CCT7: variants seen among roughly 807,000 people sequenced by gnomAD.
CCT7 encodes chaperonin containing TCP1 subunit 7.
CCT7 carries 16 observed loss-of-function variants against 56.6 expected under a neutral mutation model. The observed-to-expected ratio is 0.28, with a 90% CI of 0.19 to 0.43. The LOEUF (loss-of-function observed/expected upper bound fraction) is 0.43. Ranked by LOEUF, CCT7 falls within the 20% of genes least tolerant of loss-of-function variation. The pLI is 1.00. For missense variants in CCT7, 519 were observed against 685.6 expected (o/e 0.76, Z 2.71); for synonymous variants, 262 against 254.8 (o/e 1.03, Z -0.27).
chr2:73,252,554 C>G lies in CCT7; in HGVS notation c.1411-86C>G, dbSNP rs1687640867. The G allele has an allele frequency of 6.8e-5, 70 of 1,028,432 alleles. 1 individual carries two copies. In the South Asian group the frequency reaches 9.9e-4, roughly 15 times the overall value. 63.7% of individuals were successfully genotyped at this position (1,028,432 alleles called of 1,614,324 possible). On this transcript the variant is annotated intron_variant, in intron 11 of 11. Coordinates refer to ENST00000258091, the MANE Select transcript of CCT7 (RefSeq NM_006429.4). ...CCAAGTTCAGAGAGTCTGCGGGTTCCTAGCAGTGTCTTTTGGAGTACCAGT... is the reference window on the plus strand; with the variant it reads ...CCAAGTTCAGAGAGTCTGCGGGTTCGTAGCAGTGTCTTTTGGAGTACCAGT...
rs1221939404 is a variant in CCT7, at chr2:73,239,650, C to T, written c.14C>T (p.Pro5Leu). ...AATTTCTTTCTTTTCTAGCCCACAC[C>T]AGTTATCCTATTGAAAGAGGGGACT... MMPT[P>L]VILLKEGTDS... The change falls in exon 2 of 12, where the codon CCA (proline) becomes CTA (leucine). Residue 5 changes from proline to leucine, a missense_variant. By Grantham distance (98) the Pro-to-Leu change is moderately conservative (BLOSUM62 -3). Transcript: ENST00000258091. 1 of 1,613,714 alleles carries T rather than the reference C, an allele frequency of 6.2e-7. No individual in the cohort carries two copies. Among genetic ancestry groups the T allele is most frequent in the Admixed American group, 1.7e-5 (1 of 59,998 alleles).
chr2:73,240,813 TTG>T (rs1449962649), intron 3 of CCT7, among the ~76,000 whole-genome samples: 1 of 152,188 alleles, frequency 6.6e-6, no homozygotes, highest in African/African-American at 2.4e-5. Flanking sequence ...GTGCTGTCAT[TTG>T]TGTGAGTTGC....
At chr2:73,239,873 GGT>G (rs1687033894) in intron 2 of CCT7, 77 bp downstream of exon 2, 1 of 1,287,358 alleles carries the variant, frequency 7.8e-7, no homozygotes, top group African/African-American at 1.5e-5. Flanking sequence ...AGCATAGGTT[GGT>G]ATCAGAAATC....
In CCT7 at chr2:73,249,107, C is replaced by T; in HGVS notation, c.900C>T (p.Thr300=). The T allele has an allele frequency of 1.9e-6, 3 of 1,614,164 alleles. No individual in the cohort carries two copies. The highest frequency in any genetic ancestry group is 2.5e-6 in the Non-Finnish European group (3 of 1,180,024). ...AACTCCCCATTGGGGATGTGGCCAC[C>T]CAGTACTTTGCTGACAGGGACATGT... is the stretch of plus-strand genomic sequence containing the variant. The part of the protein sequence containing the change: ...LSKLPIGDVA[T]QYFADRDMFC... The change falls in exon 8 of 12, where the codon ACC becomes ACT. Residue 300 remains threonine (T), a synonymous_variant. Coordinates refer to ENST00000258091, the MANE Select transcript of CCT7 (RefSeq NM_006429.4).
chr2:73,239,924 A>G, intron 2 of CCT7, 128 bp downstream of exon 2: 1 of 793,922 alleles, frequency 1.3e-6, no homozygotes, highest in Non-Finnish European at 2.0e-6. Flanking sequence ...ACTCACTCTG[A>G]AGCAGTTCCA....
chr2:73,252,002 C>T (rs1261035979), intron 11 of CCT7, among the ~76,000 whole-genome samples: 3 of 150,774 alleles, frequency 2.0e-5, no homozygotes, highest in Non-Finnish European at 4.4e-5. Context: ...CATCCACCTT[C>T]CTGGAAGCAC....
At chr2:73,244,158 C>G in intron 5 of CCT7, 109 bp downstream of exon 5, 1 of 1,106,104 alleles carries the variant, frequency 9.0e-7, no homozygotes, top group Non-Finnish European at 1.3e-6. Flanking sequence ...CCTGCGACTC[C>G]CAAAGTGCTG....
At chr2:73,252,573 T>A in intron 11 of CCT7, 67 bp from the exon 12 acceptor site, 1 of 1,251,570 alleles carries the variant, frequency 8.0e-7, no homozygotes, top group Non-Finnish European at 1.2e-6. Flanking sequence ...TCTTTTGGAG[T>A]ACCAGTTTAC....
chr2:73,240,384 T>G (rs1312715158), intron 2 of CCT7, 53 bp from the exon 3 acceptor site: 2 of 1,401,210 alleles, frequency 1.4e-6, no homozygotes, highest in African/African-American at 1.4e-5. Flanking sequence ...TAGGTCCCAC[T>G]TGAAGACAGC....
rs375101158 is a variant in CCT7 at position 73,243,037 on chromosome 2, G to A, written c.301G>A (p.Ala101Thr). 15 of 1,613,850 alleles carry A rather than the reference G, an allele frequency of 9.3e-6. No homozygotes were observed. In the African/African-American group the frequency reaches 1.5e-4, roughly 16 times the overall value. The stretch of plus-strand genomic sequence containing the variant: ...TGGCACCACCTCAGTGACCTTGCTG[G>A]CTGCAGAGTTTCTGAAGCAGGTGAA... The part of the protein sequence containing the change: ...GDGTTSVTLL[A>T]AEFLKQVKPY... The change falls in exon 4 of 12, where the codon GCT becomes ACT. Residue 101 changes from alanine to threonine, a missense_variant. By Grantham distance (58) the Ala-to-Thr change is moderately conservative. Transcript: ENST00000258091.
At chr2:73,235,073 G>A (rs1041057755) in intron 1 of CCT7, among the ~76,000 whole-genome samples, 8 of 152,178 alleles carry the variant, frequency 5.3e-5, no homozygotes, top group African/African-American at 1.7e-4. Flanking sequence ...GGAAGACCCA[G>A]GCTCGGACTC....
chr2:73,244,013 A>C lies in CCT7; in HGVS notation c.410A>C (p.Lys137Thr), dbSNP rs769560544. 6.2e-7 allele frequency: 1 copy of C among 1,613,768 alleles called. No individual in the cohort carries two copies. The highest frequency in any genetic ancestry group is 8.5e-7 in the Non-Finnish European group (1 of 1,179,878). The change falls in exon 5 of 12, where the codon AAA becomes ACA. Residue 137 changes from lysine to threonine, a missense_variant. Coordinates refer to ENST00000258091, the MANE Select transcript of CCT7 (RefSeq NM_006429.4). Reference sequence around the variant, plus strand: ...TCTTGGCAGGCAGTTAACAAGATCAAAGAGATTGCTGTGACCGTGAAGAAG... The same window carrying C: ...TCTTGGCAGGCAGTTAACAAGATCACAGAGATTGCTGTGACCGTGAAGAAG... ...TATQLAVNKI[K>T]EIAVTVKKAD...
chr2:73,250,942 A>G (rs1448821710), intron 10 of CCT7, among the ~76,000 whole-genome samples: 2 of 151,886 alleles, frequency 1.3e-5, no homozygotes, highest in East Asian at 3.9e-4. Flanking sequence ...GAAGAAAAAG[A>G]CTTCGTTTTG....
At chr2:73,242,840 A>G (rs1052597930) in intron 3 of CCT7, 164 bp from the exon 4 acceptor site, 1 of 736,860 alleles carries the variant, frequency 1.4e-6, no homozygotes, top group Non-Finnish European at 2.2e-6. Context: ...TGTAACTACC[A>G]TTAGCTTCTT....
chr2:73,248,939 A>G (rs1687457701), intron 7 of CCT7, 52 bp from the exon 8 acceptor site: 4 of 1,474,472 alleles, frequency 2.7e-6, no homozygotes, highest in Admixed American at 1.7e-5. Context: ...ACCCTACCGT[A>G]TATGTCAACC....
At position 73,240,501 on chromosome 2, in the gene CCT7, A is replaced by G. The variant is rs770963186; in HGVS notation, c.225A>G (p.Ala75=). 11 of 1,611,760 alleles carry G rather than the reference A, an allele frequency of 6.8e-6. No individual in the cohort carries two copies. The highest frequency in any genetic ancestry group is 9.3e-6 in the Non-Finnish European group (11 of 1,178,648). The change falls in exon 3 of 12, where the codon GCA becomes GCG. Residue 75 remains alanine (A), a synonymous_variant. Coordinates refer to ENST00000258091, the MANE Select transcript of CCT7 (RefSeq NM_006429.4). ...ILKLLDVVHP[A]AKTLVDIAKS... is the part of the protein sequence containing the mutation. ...AACTTCTTGATGTTGTCCATCCTGC[A>G]GCAAAGACTTTGGTAGACATTGCCA...
Position 73,249,056 on chromosome 2 carries a change from T to C in CCT7, c.849T>C (p.His283=). ...ATGACAAGTTAGAGAAGATCCATCA[T>C]TCTGGAGCCAAAGTTGTCTTGTCCA... is the stretch of plus-strand genomic sequence containing the variant. ...ILYDKLEKIH[H]SGAKVVLSKL... The change falls in exon 8 of 12, where the codon CAT becomes CAC. Residue 283 remains histidine, a synonymous_variant. Transcript: ENST00000258091. The C allele has an allele frequency of 6.2e-7, 1 of 1,614,146 alleles. No homozygotes were observed. The highest frequency in any genetic ancestry group is 8.5e-7 in the Non-Finnish European group (1 of 1,180,026).
intron 11 of CCT7, among the ~76,000 whole-genome samples, chr2:73,251,893 C>T (rs963643150): frequency 6.6e-6 from 1 of 151,598 alleles, no homozygotes; most frequent in African/African-American, 2.4e-5. Context: ...GAGCAGAGAT[C>T]GTGCCGCTGC....
chr2:73,247,941 C>T lies in CCT7; in HGVS notation c.783+15C>T. ...ACACAGTTGAGGTAGGTGGGTTCAC[C>T]AGTTGGTGGGGGCATGGAAATGGGC... On this transcript the variant is annotated intron_variant, in intron 7 of 11. Transcript: ENST00000258091. 6.2e-7 allele frequency: 1 copy of T among 1,609,340 alleles called. No individual in the cohort carries two copies. The highest frequency in any genetic ancestry group is 8.5e-7 in the Non-Finnish European group (1 of 1,175,930).
Sources: allele counts gnomAD v4.1 joint callset (sites outside exome capture counted in the v4.1 genomes callset), GRCh38; gene constraint gnomAD v4.1.1; transcripts MANE v1.5; gene names NCBI Gene and HGNC (gene_info 2026-07-23, HGNC 2026-07-21).